Variants in SHC3 observed in about 807,000 individuals in gnomAD.
SHC3 encodes SHC adaptor protein 3.
In SHC3, 15 loss-of-function variants were observed where a neutral mutation model predicts 60.4. The observed-to-expected ratio is 0.25, with a 90% CI of 0.17 to 0.38. SHC3 has a LOEUF of 0.38. SHC3 is among the 10% of genes least tolerant of loss of function. SHC3 has a pLI of 1.00. For synonymous variants in SHC3, 294 were observed against 325.9 expected, an observed-to-expected ratio of 0.90 and a Z score of 1.05; for missense variants, 677 against 786.1, an observed-to-expected ratio of 0.86 and a Z score of 1.66.
At chr9:89,101,154 T>C (rs1296176468) in intron 2 of SHC3, among the ~76,000 whole-genome samples, 2 of 152,210 alleles carry the variant, frequency 1.3e-5, no homozygotes, top group African/African-American at 4.8e-5. Context: ...AACACTAAAA[T>C]ATTTTATGTT....
intron 1 of SHC3, among the ~76,000 whole-genome samples, chr9:89,162,472 G>T (rs1238762886): frequency 1.3e-5 from 2 of 152,126 alleles, no homozygotes; most frequent in Non-Finnish European, 2.9e-5. Flanking sequence ...TGACAAACCT[G>T]AGAAAAACAA....
chr9:89,178,728 T>C lies in SHC3; in HGVS notation c.-268A>G. 2.9e-6 allele frequency: 1 copy of C among 347,400 alleles called. No homozygotes were observed. The allele number at this position is 347,400 out of a possible 1,614,324, so 21.5% of individuals were successfully genotyped here. A position where few individuals can be genotyped will look rare whatever the true frequency, so the allele number is the denominator to read the frequency against. On this transcript the variant is annotated 5_prime_UTR_variant, in exon 1 of 12. Coordinates refer to ENST00000375835, the MANE Select transcript of SHC3 (RefSeq NM_016848.6). This position sits in a 1 kb window ranked among gnomAD's most constrained non-coding sequence, Gnocchi z 6.9. ...TTGCAAAAGTCATAGTTGCCTCTGATGGAGCGCCCAGCTGCTTGGGGCTGC... is the reference window on the plus strand; with the variant it reads ...TTGCAAAAGTCATAGTTGCCTCTGACGGAGCGCCCAGCTGCTTGGGGCTGC...
chr9:89,166,303 A>C (rs1826788739), intron 1 of SHC3, among the ~76,000 whole-genome samples: 1 of 152,188 alleles, frequency 6.6e-6, no homozygotes, highest in South Asian at 2.1e-4. Context: ...AGCAGGAAGC[A>C]AAAAATCCAC....
At chr9:89,082,607 T>C (rs1434759155) in intron 2 of SHC3, among the ~76,000 whole-genome samples, 5 of 152,040 alleles carry the variant, frequency 3.3e-5, no homozygotes, top group Admixed American at 2.6e-4. Context: ...AAGGACTTGC[T>C]CTTATTCTCT....
intron 11 of SHC3, among the ~76,000 whole-genome samples, chr9:89,030,982 C>G (rs1289914210): frequency 6.6e-6 from 1 of 152,066 alleles, no homozygotes; most frequent in Non-Finnish European, 1.5e-5. Context: ...ATGATCATAG[C>G]TCACTACAGC....
At chr9:89,176,730 T>C (rs1283780569) in intron 1 of SHC3, among the ~76,000 whole-genome samples, 2 of 152,164 alleles carry the variant, frequency 1.3e-5, no homozygotes, top group African/African-American at 4.8e-5. Context: ...TAATAATCCA[T>C]AGTTTGAAGG....
At chr9:89,168,038 C>G (rs1416551448) in intron 1 of SHC3, among the ~76,000 whole-genome samples, 2 of 152,260 alleles carry the variant, frequency 1.3e-5, no homozygotes, top group Non-Finnish European at 2.9e-5. Flanking sequence ...GCCCTTGCCA[C>G]TTAGCCCCAT....
chr9:89,166,795 G>A (rs969383094), intron 1 of SHC3, among the ~76,000 whole-genome samples: 5 of 152,124 alleles, frequency 3.3e-5, no homozygotes, highest in Non-Finnish European at 7.4e-5. Context: ...CTGATTTAGC[G>A]GGGAACAGAC....
intron 1 of SHC3, among the ~76,000 whole-genome samples, chr9:89,124,929 C>T (rs865795549): frequency 6.6e-6 from 1 of 152,006 alleles, no homozygotes; most frequent in Non-Finnish European, 1.5e-5. Flanking sequence ...TGTGTATCTG[C>T]ACCTGTTAGG....
Position 89,045,798 on chromosome 9 carries a change from T to C in SHC3, c.1149A>G (p.Arg383=). The part of the protein sequence containing the change: ...AGKEQTYYQG[R]HLGDTFGEDW... ...CTTCGCCAAAAGTGTCTCCTAAGTG[T>C]CTTCCCTGGTAATAAGTCTGCTCTT... The change falls in exon 9 of 12, where the codon AGA becomes AGG. Residue 383 remains arginine (R), a synonymous_variant. Coordinates refer to ENST00000375835, the MANE Select transcript of SHC3 (RefSeq NM_016848.6). The C allele has an allele frequency of 1.9e-6, 3 of 1,614,176 alleles. No individual in the cohort carries two copies. The highest frequency in any genetic ancestry group is 2.5e-6 in the Non-Finnish European group (3 of 1,180,024).
chr9:89,162,624 T>TA (rs1240251531), intron 1 of SHC3, among the ~76,000 whole-genome samples: 2 of 151,576 alleles, frequency 1.3e-5, no homozygotes, highest in Non-Finnish European at 2.9e-5. Context: ...ACGTTAGACC[T>TA]AAAACCATAA....
intron 2 of SHC3, among the ~76,000 whole-genome samples, chr9:89,100,971 C>G (rs1825774748): frequency 6.6e-6 from 1 of 152,132 alleles, no homozygotes; most frequent in African/African-American, 2.4e-5. Context: ...GGTACTTTTA[C>G]TGGAATTGTG....
chr9:89,081,251 G>C (rs1342200360), intron 2 of SHC3, among the ~76,000 whole-genome samples: 1 of 152,204 alleles, frequency 6.6e-6, no homozygotes, highest in Non-Finnish European at 1.5e-5. Flanking sequence ...AAGCCCAATA[G>C]AGGGCGGAGC....
intron 1 of SHC3, among the ~76,000 whole-genome samples, chr9:89,125,930 G>C (rs1121762): frequency 6.6e-6 from 1 of 152,102 alleles, no homozygotes; most frequent in Non-Finnish European, 1.5e-5. Flanking sequence ...CTATATAATA[G>C]CCATTCTTTT....
At chr9:89,079,454 A>G (rs933413473) in intron 2 of SHC3, among the ~76,000 whole-genome samples, 3 of 152,250 alleles carry the variant, frequency 2.0e-5, no homozygotes, top group African/African-American at 7.2e-5. Context: ...AAGATATTAC[A>G]TGCTGAAGTG....
chr9:89,018,926 G>A (rs1229833510), intron 11 of SHC3, among the ~76,000 whole-genome samples: 1 of 151,656 alleles, frequency 6.6e-6, no homozygotes, highest in African/African-American at 2.4e-5. Context: ...GGACGTCATG[G>A]TGGGTACCTG....
At position 89,127,807 on chromosome 9, in the gene SHC3, T is replaced by C. The variant is rs570869129; in HGVS notation, c.475-15181A>G. Among the ~76,000 whole-genome samples, 14 of 148,060 alleles carry C rather than the reference T, an allele frequency of 9.5e-5. No homozygotes were observed. In the East Asian group the frequency reaches 2.2e-3, roughly 23 times the overall value. On this transcript the variant is annotated intron_variant, in intron 1 of 11. Coordinates refer to ENST00000375835, the MANE Select transcript of SHC3 (RefSeq NM_016848.6). The stretch of plus-strand genomic sequence containing the variant: ...CCCCCCCACCACTGAGAAATAAAAC[T>C]CCCAAAGGAGATGGGCTGATTCCCT...
intron 11 of SHC3, among the ~76,000 whole-genome samples, chr9:89,030,647 C>T (rs191303264): frequency 1.3e-5 from 2 of 152,278 alleles, no homozygotes; most frequent in Admixed American, 1.3e-4. Flanking sequence ...CACCTAATAA[C>T]AGAACATCAA....
intron 6 of SHC3, among the ~76,000 whole-genome samples, chr9:89,053,554 C>A (rs959632434): frequency 1.3e-5 from 2 of 152,174 alleles, no homozygotes; most frequent in Non-Finnish European, 2.9e-5. Flanking sequence ...GGCAGGGAGA[C>A]TTCTGTGGAC....
Sources: allele counts gnomAD v4.1 joint callset (sites outside exome capture counted in the v4.1 genomes callset), GRCh38; gene constraint gnomAD v4.1.1; non-coding constraint Gnocchi (gnomAD v3.1); transcripts MANE v1.5; gene names NCBI Gene and HGNC (gene_info 2026-07-23, HGNC 2026-07-21).